ULK4: variants seen among roughly 807,000 people sequenced by gnomAD.
The protein encoded by ULK4 is unc-51 like kinase 4, also known as inactive serine/threonine-protein kinase ULK4.
In ULK4, 133 loss-of-function variants were observed where a neutral mutation model predicts 160.6. The ratio of observed to expected loss-of-function variants is 0.83; its 90% CI spans 0.72 to 0.96. ULK4 has a LOEUF of 0.96. Ranked by LOEUF, ULK4 falls within the 40% of genes least tolerant of loss-of-function variation. The pLI is 0.00. For synonymous variants in ULK4, 534 were observed against 539.8 expected (o/e 0.99, Z 0.15); for missense variants, 1,580 against 1,499.5 (o/e 1.05, Z -0.89).
chr3:41,937,781 T>C (rs1474096557), intron 3 of ULK4: 2 of 207,170 alleles, frequency 9.7e-6, no homozygotes, highest in East Asian at 2.2e-4. Flanking sequence ...ATTTATTAGC[T>C]AATTAATAGC....
intron 31 of ULK4, among the ~76,000 whole-genome samples, chr3:41,596,446 C>A (rs774563893): frequency 1.3e-5 from 2 of 151,978 alleles, no homozygotes; most frequent in Admixed American, 6.6e-5. Context: ...CAAGGGAATT[C>A]GGGTGTTTTC....
At chr3:41,900,533 G>A (rs1439202222) in intron 13 of ULK4, among the ~76,000 whole-genome samples, 192 bp downstream of exon 13, 1 of 152,196 alleles carries the variant, frequency 6.6e-6, no homozygotes, top group Non-Finnish European at 1.5e-5. Context: ...CAGTGAAGTG[G>A]AAGTGAAGGC....
At chr3:41,304,010 C>T (rs1053925783) in intron 35 of ULK4, among the ~76,000 whole-genome samples, 1 of 152,126 alleles carries the variant, frequency 6.6e-6, no homozygotes, top group Admixed American at 6.5e-5. Context: ...ATGGCTCACG[C>T]CTGTAATCCC....
At chr3:41,899,250 A>C (rs1225810854) in intron 13 of ULK4, 3 of 152,224 alleles carry the variant, frequency 2.0e-5, no homozygotes, top group African/African-American at 4.8e-5. Flanking sequence ...ATCCTGCCTG[A>C]CTAACACTAT....
chr3:41,937,831 C>T (rs564593689), intron 3 of ULK4: 11 of 252,662 alleles, frequency 4.4e-5, no homozygotes, highest in Non-Finnish European at 5.9e-5. Context: ...ATTGGGAAAA[C>T]GTTTTTGATA....
At chr3:41,392,555 A>G (rs2081979079) in intron 35 of ULK4, among the ~76,000 whole-genome samples, 1 of 152,146 alleles carries the variant, frequency 6.6e-6, no homozygotes, top group Non-Finnish European at 1.5e-5. Context: ...CATTACCTGT[A>G]AATTATGGGG....
chr3:41,320,934 AAAAT>A (rs1408017558), intron 35 of ULK4, among the ~76,000 whole-genome samples: 4 of 152,168 alleles, frequency 2.6e-5, no homozygotes, highest in Non-Finnish European at 5.9e-5. Context: ...AAATAAAATA[AAAAT>A]AAATAAGCCA....
chr3:41,730,707 C>A (rs1455248991), intron 22 of ULK4, among the ~76,000 whole-genome samples: 1 of 152,108 alleles, frequency 6.6e-6, no homozygotes, highest in Non-Finnish European at 1.5e-5. Flanking sequence ...TAACAGTAAT[C>A]CTTTTCAAAG....
intron 27 of ULK4, among the ~76,000 whole-genome samples, chr3:41,691,105 T>G (rs542957547): frequency 2.2e-4 from 34 of 152,022 alleles, no homozygotes; most frequent in African/African-American, 7.9e-4. Flanking sequence ...GGGCTCAACA[T>G]GTGCACTAAG....
chr3:41,641,924 G>GGAGTGC (rs1217186004), intron 30 of ULK4, among the ~76,000 whole-genome samples: 2 of 149,374 alleles, frequency 1.3e-5, no homozygotes, highest in East Asian at 4.0e-4. Context: ...TGCCCAGGCT[G>GGAGTGC]GAGTGCAATG....
intron 32 of ULK4, among the ~76,000 whole-genome samples, chr3:41,511,498 C>T (rs2085575946): frequency 6.6e-6 from 1 of 152,022 alleles, no homozygotes; most frequent in South Asian, 2.1e-4. Flanking sequence ...TTATTCAAGG[C>T]TACTATGAGC....
At chr3:41,912,969 C>G (rs1575937177) in intron 8 of ULK4, 70 bp from the exon 9 acceptor site, 1 of 1,366,936 alleles carries the variant, frequency 7.3e-7, no homozygotes, top group East Asian at 2.3e-5. Context: ...AAGACATGTC[C>G]CAATTACACA....
intron 31 of ULK4, among the ~76,000 whole-genome samples, chr3:41,591,740 C>T (rs1575459235): frequency 1.3e-5 from 2 of 152,182 alleles, no homozygotes; most frequent in South Asian, 4.2e-4. Flanking sequence ...ATAAGTAAAA[C>T]GTGTTATGTG....
At chr3:41,399,282 T>C (rs779213064) in intron 34 of ULK4, among the ~76,000 whole-genome samples, 4 of 152,200 alleles carry the variant, frequency 2.6e-5, no homozygotes, top group Admixed American at 6.5e-5. Flanking sequence ...CATGTGCTGA[T>C]TGGCCATTTG....
chr3:41,941,961 ACTC>A lies in ULK4; in HGVS notation c.139-3767_139-3765del, dbSNP rs553341399. Among the ~76,000 whole-genome samples the A allele has an allele frequency of 4.1e-3, 623 of 151,732 alleles. 6 individuals are homozygous for A. The highest frequency in any genetic ancestry group is 0.015 in the African/African-American group (602 of 41,370). ...CTGGGCCCCAGCAATTCCTTCCAGC[ACTC>A]CTCATCATTCAACATACGCCCCACG... On this transcript the variant is annotated intron_variant, in intron 2 of 36. Transcript: ENST00000301831.
At chr3:41,454,007 C>T (rs1352353449) in intron 34 of ULK4, among the ~76,000 whole-genome samples, 3 of 116,752 alleles carry the variant, frequency 2.6e-5, no homozygotes, top group Non-Finnish European at 5.0e-5. Context: ...AAGGGGAACA[C>T]CACACACTGG....
intron 30 of ULK4, among the ~76,000 whole-genome samples, chr3:41,647,276 T>G (rs2034539192): frequency 6.6e-6 from 1 of 152,228 alleles, no homozygotes; most frequent in Admixed American, 6.5e-5. Context: ...ACTCTGCTTT[T>G]TAGAGTTTCC....
intron 35 of ULK4, among the ~76,000 whole-genome samples, chr3:41,323,514 A>T (rs1007984332): frequency 6.6e-6 from 1 of 151,918 alleles, no homozygotes; most frequent in East Asian, 1.9e-4. Context: ...ACAACAGAGA[A>T]ATGAAGATTT....
At position 41,935,809 on chromosome 3, in the gene ULK4, G is replaced by A. The variant is rs1355766791; in HGVS notation, c.370C>T (p.Pro124Ser). The A allele has an allele frequency of 1.9e-5, 31 of 1,609,142 alleles. No individual in the cohort carries two copies. The East Asian group carries it at 6.5e-4, about 34-fold the overall frequency. The change falls in exon 4 of 37, where the codon CCT (proline) becomes TCT (serine). Residue 124 changes from proline (P) to serine (S), a missense_variant. Physicochemically the swap from Pro to Ser is moderately conservative, Grantham distance 74 (BLOSUM62 -1). Transcript: ENST00000301831. ...AAACTTTCATGAATTACCTTCCTAG[G>A]AGAAATGTCACAAAAGAGAATGCCA... ...KLGILFCDIS[P>S]RKILLEGPGT...
Sources: allele counts gnomAD v4.1 joint callset (sites outside exome capture counted in the v4.1 genomes callset), GRCh38; gene constraint gnomAD v4.1.1; transcripts MANE v1.5; gene names NCBI Gene and HGNC (gene_info 2026-07-23, HGNC 2026-07-21).